The following URB1 variants were observed in gnomAD, a reference collection of about 807,000 sequenced individuals.
The protein encoded by URB1 is nucleolar pre-ribosomal-associated protein 1.
In URB1, 197 loss-of-function variants were observed where a neutral mutation model predicts 242.3. That is an observed-to-expected ratio of 0.81 (90% CI 0.72 to 0.91). The LOEUF (loss-of-function observed/expected upper bound fraction) is 0.91. URB1 is among the 40% of genes least tolerant of loss of function. URB1 has a pLI of 0.00. For synonymous variants in URB1, 1,153 were observed against 1,201.8 expected, an observed-to-expected ratio of 0.96 and a Z score of 0.84; for missense variants, 2,721 against 2,860.5, an observed-to-expected ratio of 0.95 and a Z score of 1.11.
chr21:32,315,749 TGAG>T (rs1435725784), intron 38 of URB1, among the ~76,000 whole-genome samples: 1 of 152,142 alleles, frequency 6.6e-6, no homozygotes, highest in Non-Finnish European at 1.5e-5. Flanking sequence ...GTGGCATGGG[TGAG>T]GAGGAGGAGA....
chr21:32,318,335 C>T (rs904781249), intron 36 of URB1, among the ~76,000 whole-genome samples: 8 of 152,184 alleles, frequency 5.3e-5, no homozygotes, highest in African/African-American at 1.4e-4. Context: ...CGGCCAAAAC[C>T]TGATGACCAC....
At chr21:32,339,897 G>A (rs545194538) in intron 25 of URB1, among the ~76,000 whole-genome samples, 1 of 152,272 alleles carries the variant, frequency 6.6e-6, no homozygotes, top group Admixed American at 6.5e-5. Flanking sequence ...GCAACTTAGT[G>A]CCTCCCAGGT....
At chr21:32,344,865 T>C in intron 23 of URB1, 109 bp from the exon 24 acceptor site, 1 of 1,243,382 alleles carries the variant, frequency 8.0e-7, no homozygotes, top group Non-Finnish European at 1.1e-6. Flanking sequence ...TGAGTCCTGC[T>C]CCCCACACTA....
At chr21:32,363,426 C>T (rs1328840205) in intron 10 of URB1, 97 bp from the exon 11 acceptor site, 1 of 1,408,364 alleles carries the variant, frequency 7.1e-7, no homozygotes. Context: ...TCAGGTCACT[C>T]ACAGGGAAAG....
chr21:32,359,942 C>G (rs1191260519), intron 13 of URB1, 34 bp from the exon 14 acceptor site: 1 of 1,541,884 alleles, frequency 6.5e-7, no homozygotes, highest in Non-Finnish European at 8.8e-7. Flanking sequence ...TGAAAAAAGT[C>G]ACATGGACGT....
Position 32,314,541 on chromosome 21 carries a change from G to C in URB1, c.*377C>G, listed in dbSNP as rs534535052. The C allele has an allele frequency of 3.1e-6, 5 of 1,610,544 alleles. No individual in the cohort carries two copies. Among genetic ancestry groups the C allele is most frequent in the Non-Finnish European group, 4.2e-6 (5 of 1,176,892 alleles). On this transcript the variant is annotated 3_prime_UTR_variant, in exon 39 of 39. Transcript: ENST00000382751. ...TCATAAAAAAAATCTGATACCTTTTGACATTTCAGCTTTAACACAGATGAA... is the reference window on the plus strand; with the variant it reads ...TCATAAAAAAAATCTGATACCTTTTCACATTTCAGCTTTAACACAGATGAA...
At chr21:32,336,673 G>A (rs1410721008) in intron 28 of URB1, among the ~76,000 whole-genome samples, 1 of 151,994 alleles carries the variant, frequency 6.6e-6, no homozygotes, top group Non-Finnish European at 1.5e-5. Context: ...ACAGACACAA[G>A]CATGCATGCA....
intron 33 of URB1, 144 bp from the exon 34 acceptor site, chr21:32,322,088 G>T: frequency 3.1e-6 from 3 of 965,954 alleles, no homozygotes; most frequent in Non-Finnish European, 4.5e-6. Context: ...AAAAATCCCT[G>T]ATCTCATCTT....
rs867420678 is a variant in URB1, at chr21:32,314,816, C to T, written c.*102G>A. 8.9e-5 allele frequency: 132 copies of T among 1,485,974 alleles called. 1 individual carries two copies. In the African/African-American group the frequency reaches 1.4e-3, roughly 16 times the overall value. 92.0% of individuals were successfully genotyped at this position (1,485,974 alleles called of 1,614,324 possible). On this transcript the variant is annotated 3_prime_UTR_variant, in exon 39 of 39. Coordinates refer to ENST00000382751, the MANE Select transcript of URB1 (RefSeq NM_014825.3). ...AGCCAATGTACTGAACCTGTTGTTT[C>T]CCATGCCTTCTCTGGAAACCCTTGA...
intron 36 of URB1, 63 bp from the exon 37 acceptor site, chr21:32,317,980 T>C (rs2123540184): frequency 6.5e-7 from 1 of 1,536,524 alleles, no homozygotes; most frequent in Non-Finnish European, 8.8e-7. Flanking sequence ...CAGTCAGCAC[T>C]GCGGCACCCT....
chr21:32,337,560 C>A, intron 26 of URB1, 46 bp from the exon 27 acceptor site: 1 of 1,479,168 alleles, frequency 6.8e-7, no homozygotes, highest in African/African-American at 1.4e-5. Context: ...GGGGCAGACA[C>A]ACTGAATACC....
chr21:32,363,329 A>G lies in URB1; in HGVS notation c.1336T>C (p.Leu446=), dbSNP rs2033310225. The G allele has an allele frequency of 3.2e-6, 5 of 1,550,948 alleles. No homozygotes were observed. Among genetic ancestry groups the G allele is most frequent in the Non-Finnish European group, 4.4e-6 (5 of 1,146,954 alleles). The part of the protein sequence containing the change: ...NKSMFTQALN[L]DSTSVRHTAL... ...GTGTGCCTCACTGAGGTGCTGTCCAACTGGGAAGAAAAAGAGTTAAATGCA... is the reference window on the plus strand; with the variant it reads ...GTGTGCCTCACTGAGGTGCTGTCCAGCTGGGAAGAAAAAGAGTTAAATGCA... The change falls in exon 11 of 39, where the codon TTG becomes CTG. Residue 446 remains leucine (L), a splice_region_variant and synonymous_variant. Transcript: ENST00000382751.
Position 32,314,674 on chromosome 21 carries a change from A to C in URB1, c.*244T>G. ...CCTGACGAGGCACTGGATGGGCCTC[A>C]TGGCCTAGAAGTCCCCACATTCCTT... On this transcript the variant is annotated 3_prime_UTR_variant, in exon 39 of 39. Transcript: ENST00000382751. 1 of 1,601,542 alleles carries C rather than the reference A, an allele frequency of 6.2e-7. No individual in the cohort carries two copies. The highest frequency in any genetic ancestry group is 8.6e-7 in the Non-Finnish European group (1 of 1,168,476).
chr21:32,357,176 G>C (rs1282348427), intron 15 of URB1, among the ~76,000 whole-genome samples: 2 of 152,146 alleles, frequency 1.3e-5, no homozygotes, highest in African/African-American at 4.8e-5. Context: ...CATGTGCTGT[G>C]GGTGATGGAT....
At chr21:32,349,531 A>C in intron 20 of URB1, 48 bp from the exon 21 acceptor site, 3 of 1,486,208 alleles carry the variant, frequency 2.0e-6, no homozygotes, top group Non-Finnish European at 2.7e-6. Context: ...ACGGGTTCAC[A>C]GCTACCAGGC....
intron 14 of URB1, among the ~76,000 whole-genome samples, chr21:32,358,968 T>C (rs1288075794): frequency 3.9e-5 from 6 of 152,150 alleles, no homozygotes; most frequent in Non-Finnish European, 7.4e-5. Flanking sequence ...CTGCCCAGCA[T>C]GCGAGTAAGT....
At chr21:32,356,118 T>C (rs750397505) in intron 15 of URB1, among the ~76,000 whole-genome samples, 3 of 152,376 alleles carry the variant, frequency 2.0e-5, no homozygotes, top group Non-Finnish European at 4.4e-5. Flanking sequence ...TAGGGGCTCA[T>C]GCCTGTAATC....
chr21:32,340,616 A>G (rs908294540), intron 25 of URB1, among the ~76,000 whole-genome samples: 1 of 152,234 alleles, frequency 6.6e-6, no homozygotes, highest in African/African-American at 2.4e-5. Context: ...TCTGTCTCAA[A>G]AACAAAAACA....
rs1036950581 is a variant in URB1, at chr21:32,385,528, T to C, written c.282+17A>G. The C allele has an allele frequency of 2.1e-5, 32 of 1,551,156 alleles. No individual in the cohort carries two copies. The highest frequency in any genetic ancestry group is 1.7e-4 in the Middle Eastern group (1 of 6,014). On this transcript the variant is annotated intron_variant, in intron 2 of 38. Transcript: ENST00000382751. The stretch of plus-strand genomic sequence containing the variant: ...AACTTTTCTTCTCTTCATCAAGCCA[T>C]GTAAGGAACAACTTACTTCACTTTC...
Sources: allele counts gnomAD v4.1 joint callset (sites outside exome capture counted in the v4.1 genomes callset), GRCh38; gene constraint gnomAD v4.1.1; transcripts MANE v1.5; gene names NCBI Gene and HGNC (gene_info 2026-07-23, HGNC 2026-07-21).